The following PPP2R5A variants were observed in gnomAD, a reference collection of about 807,000 sequenced individuals.
The protein encoded by PPP2R5A is protein phosphatase 2 regulatory subunit B'alpha, also known as serine/threonine-protein phosphatase 2A 56 kDa regulatory subunit alpha isoform.
Under a neutral mutation model 64.2 loss-of-function variants are expected in PPP2R5A, and 25 were observed. The ratio of observed to expected loss-of-function variants is 0.39; its 90% CI spans 0.28 to 0.54. PPP2R5A has a LOEUF of 0.54. Among genes scored for constraint, PPP2R5A ranks in the 20% least tolerant of loss-of-function variants. The pLI, the probability that PPP2R5A is intolerant of heterozygous loss-of-function variation, is 0.67. For synonymous variants in PPP2R5A, 198 were observed against 201.2 expected, an observed-to-expected ratio of 0.98 and a Z score of 0.13; for missense variants, 425 against 576.3, an observed-to-expected ratio of 0.74 and a Z score of 2.69.
chr1:212,293,712 G>A (rs1658643055), intron 1 of PPP2R5A, among the ~76,000 whole-genome samples: 1 of 151,462 alleles, frequency 6.6e-6, no homozygotes, highest in Admixed American at 6.6e-5. Flanking sequence ...TTTTTTGGTG[G>A]GGGTAGTCTA....
chr1:212,355,651 A>ATC (rs1431582694), intron 8 of PPP2R5A, among the ~76,000 whole-genome samples: 4 of 151,852 alleles, frequency 2.6e-5, no homozygotes, highest in Non-Finnish European at 5.9e-5. Flanking sequence ...ATGACTTGAA[A>ATC]ATCTTTTAAA....
chr1:212,341,297 C>T (rs1018567022), intron 3 of PPP2R5A, among the ~76,000 whole-genome samples: 6 of 152,192 alleles, frequency 3.9e-5, no homozygotes, highest in African/African-American at 1.2e-4. Context: ...GACATTTCTT[C>T]CCTAGCCCTG....
At chr1:212,343,446 C>A (rs571763675) in intron 4 of PPP2R5A, among the ~76,000 whole-genome samples, 2 of 152,292 alleles carry the variant, frequency 1.3e-5, no homozygotes, top group Admixed American at 6.5e-5. Flanking sequence ...GATAAAAATT[C>A]TACTAATGTG....
chr1:212,290,429 G>A (rs758044296), intron 1 of PPP2R5A, among the ~76,000 whole-genome samples: 6 of 152,146 alleles, frequency 3.9e-5, no homozygotes, highest in Non-Finnish European at 5.9e-5. Context: ...TTCATCTGAA[G>A]ATGTTAAGAA....
chr1:212,311,401 G>A (rs898899516), intron 1 of PPP2R5A, among the ~76,000 whole-genome samples: 2 of 152,022 alleles, frequency 1.3e-5, no homozygotes, highest in African/African-American at 2.4e-5. Flanking sequence ...CCCGGGAGGC[G>A]GAGGCAGTGA....
chr1:212,347,416 G>GT lies in PPP2R5A; in HGVS notation c.764+17dup, dbSNP rs766898115. The GT allele has an allele frequency of 5.1e-6, 8 of 1,576,010 alleles. No individual in the cohort carries two copies. Among genetic ancestry groups the GT allele is most frequent in the South Asian group, 2.3e-5 (2 of 88,272 alleles). The stretch of plus-strand genomic sequence containing the variant: ...TTGAAATATTAGGAAGGTAGGTCAG[G>GT]TTTTTTTGTTCTTTTTAAGAATTAA... On this transcript the variant is annotated intron_variant, in intron 6 of 12. Transcript: ENST00000261461.
rs1374526182 is a variant in PPP2R5A, at chr1:212,333,586, G to C, written c.468G>C (p.Trp156Cys). The C allele has an allele frequency of 6.5e-7, 1 of 1,544,778 alleles. No individual in the cohort carries two copies. The highest frequency in any genetic ancestry group is 8.8e-7 in the Non-Finnish European group (1 of 1,131,244). ...ATGAACCCACGCTTGAGGCCTCTTG[G>C]CCTCACATACAGGTATGGAACATAA... ...EEDEPTLEAS[W>C]PHIQLVYEFF... Residue 156 changes from tryptophan to cysteine, a missense_variant, in exon 3 of 13, where the codon TGG becomes TGC. By Grantham distance (215) the Trp-to-Cys change is radical. Transcript: ENST00000261461.
At chr1:212,296,316 C>T (rs1249428082) in intron 1 of PPP2R5A, among the ~76,000 whole-genome samples, 1 of 152,016 alleles carries the variant, frequency 6.6e-6, no homozygotes, top group Non-Finnish European at 1.5e-5. Flanking sequence ...TTATAAATAT[C>T]AAATAGATCA....
intron 8 of PPP2R5A, among the ~76,000 whole-genome samples, chr1:212,354,185 AAAAT>A (rs1000272128): frequency 5.3e-5 from 8 of 152,084 alleles, no homozygotes; most frequent in South Asian, 2.1e-4. Flanking sequence ...CTCTGTCTCA[AAAAT>A]AAATAAATAA....
intron 1 of PPP2R5A, among the ~76,000 whole-genome samples, chr1:212,307,905 C>T (rs1272635991): frequency 7.2e-5 from 11 of 152,266 alleles, no homozygotes; most frequent in African/African-American, 2.4e-4. Context: ...AGTGCAGTGG[C>T]GTGATCTTGG....
intron 4 of PPP2R5A, among the ~76,000 whole-genome samples, chr1:212,345,163 A>T (rs1157556518): frequency 7.4e-6 from 1 of 135,010 alleles, no homozygotes; most frequent in South Asian, 2.3e-4. Flanking sequence ...AGACTGTCTT[A>T]AAAAAAAAAA....
intron 1 of PPP2R5A, among the ~76,000 whole-genome samples, chr1:212,314,870 C>G (rs2102422312): frequency 6.6e-6 from 1 of 151,878 alleles, no homozygotes; most frequent in East Asian, 1.9e-4. Flanking sequence ...CCAAGTGTAG[C>G]TAAATTTTAA....
At chr1:212,352,441 G>T (rs1055328376) in intron 8 of PPP2R5A, among the ~76,000 whole-genome samples, 13 of 150,036 alleles carry the variant, frequency 8.7e-5, no homozygotes, top group African/African-American at 2.9e-4. Flanking sequence ...GGGTTTGTTT[G>T]TTTGTGTTTT....
chr1:212,333,058 T>C (rs567451720), intron 2 of PPP2R5A, among the ~76,000 whole-genome samples: 1 of 152,034 alleles, frequency 6.6e-6, no homozygotes, highest in East Asian at 1.9e-4. Context: ...TGCGCCACCA[T>C]GCCTAGCTAA....
At chr1:212,331,353 A>G (rs1186763906) in intron 2 of PPP2R5A, 3 of 113,986 alleles carry the variant, frequency 2.6e-5, no homozygotes, top group Non-Finnish European at 5.5e-5. Context: ...TTTTTTTTTT[A>G]GAGGTGGAGC....
chr1:212,354,721 ATGT>A (rs1659947703), intron 8 of PPP2R5A, among the ~76,000 whole-genome samples: 2 of 121,002 alleles, frequency 1.7e-5, no homozygotes, highest in South Asian at 4.8e-4. Context: ...AGAGAGAGAA[ATGT>A]TGAGAGAGAG....
chr1:212,322,937 C>T (rs1659336760), intron 1 of PPP2R5A, among the ~76,000 whole-genome samples: 1 of 152,116 alleles, frequency 6.6e-6, no homozygotes, highest in African/African-American at 2.4e-5. Flanking sequence ...AGGTGCCTGC[C>T]ACCATGCCCG....
chr1:212,322,979 T>G (rs1359524127), intron 1 of PPP2R5A, among the ~76,000 whole-genome samples: 4 of 152,092 alleles, frequency 2.6e-5, no homozygotes, highest in African/African-American at 4.8e-5. Flanking sequence ...GTAGAGACGG[T>G]GTTTCACCGT....
At chr1:212,302,020 T>C (rs1431712069) in intron 1 of PPP2R5A, 3 of 1,510,188 alleles carry the variant, frequency 2.0e-6, no homozygotes, top group Non-Finnish European at 2.7e-6. Flanking sequence ...ATAACTTGGT[T>C]ATCACCTCAG....
Sources: allele counts gnomAD v4.1 joint callset (sites outside exome capture counted in the v4.1 genomes callset), GRCh38; gene constraint gnomAD v4.1.1; transcripts MANE v1.5; gene names NCBI Gene and HGNC (gene_info 2026-07-23, HGNC 2026-07-21).